TXNRD1: variants seen among roughly 807,000 people sequenced by gnomAD.
The protein encoded by TXNRD1 is thioredoxin reductase 1, cytoplasmic.
Under a neutral mutation model 80.3 loss-of-function variants are expected in TXNRD1, and 57 were observed. The ratio of observed to expected loss-of-function variants is 0.71; its 90% CI spans 0.57 to 0.89. The LOEUF (loss-of-function observed/expected upper bound fraction) is 0.89. Among genes scored for constraint, TXNRD1 ranks in the 40% least tolerant of loss-of-function variants. The pLI is 0.00. For missense variants in TXNRD1, 730 were observed against 803.0 expected (o/e 0.91, Z 1.10); for synonymous variants, 291 against 285.2 (o/e 1.02, Z -0.20).
intron 1 of TXNRD1, among the ~76,000 whole-genome samples, chr12:104,238,418 T>G (rs573502579): frequency 6.6e-6 from 1 of 152,296 alleles, no homozygotes; most frequent in Admixed American, 6.5e-5. Context: ...TAAAGCACCC[T>G]TTTTGACTTT....
At chr12:104,309,786 C>T (rs1334072354) in intron 4 of TXNRD1, 2 of 1,532,516 alleles carry the variant, frequency 1.3e-6, no homozygotes, top group South Asian at 2.4e-5. Context: ...GGAACCTTGG[C>T]CATAATGCCA....
chr12:104,319,548 T>C lies in TXNRD1; in HGVS notation c.952T>C (p.Leu318=). The part of the protein sequence containing the change: ...LIATGERPRY[L]GIPGDKEYCI... ...TGCCACTGGTGAAAGACCACGTTAC[T>C]TGGGCATCCCTGGTGACAAAGAATA... is the stretch of plus-strand genomic sequence containing the variant. Residue 318 remains leucine (L), a synonymous_variant, in exon 9 of 17, where the codon TTG becomes CTG. Coordinates refer to ENST00000525566, the MANE Select transcript of TXNRD1 (RefSeq NM_001093771.3). 2 of 1,605,510 alleles carry C rather than the reference T, an allele frequency of 1.2e-6. No individual in the cohort carries two copies. Among genetic ancestry groups the C allele is most frequent in the Non-Finnish European group, 1.7e-6 (2 of 1,175,866 alleles).
intron 15 of TXNRD1, among the ~76,000 whole-genome samples, chr12:104,337,872 G>A (rs913891626): frequency 2.0e-5 from 3 of 150,824 alleles, no homozygotes; most frequent in Non-Finnish European, 4.4e-5. Flanking sequence ...CTGCAGCCTC[G>A]ACCTCCTGGG....
intron 5 of TXNRD1, 84 bp downstream of exon 5, chr12:104,311,496 CTG>C: frequency 4.0e-6 from 6 of 1,509,000 alleles, no homozygotes; most frequent in Admixed American, 2.2e-5. Flanking sequence ...TCTCCTCTCT[CTG>C]TGGAATTTAT....
At chr12:104,304,004 G>C (rs1376164524) in intron 4 of TXNRD1, 2 of 1,610,916 alleles carry the variant, frequency 1.2e-6, no homozygotes, top group Non-Finnish European at 1.7e-6. Flanking sequence ...GGCCGACGTA[G>C]ACCCAAAGCT....
intron 6 of TXNRD1, 26 bp from the exon 7 acceptor site, chr12:104,315,751 A>AAACTG (rs2035301578): frequency 1.2e-6 from 2 of 1,603,912 alleles, no homozygotes; most frequent in Admixed American, 3.4e-5. Flanking sequence ...AGCAGGTTAT[A>AAACTG]AACTGATTTC....
chr12:104,239,447 G>A (rs1253362309), intron 1 of TXNRD1, among the ~76,000 whole-genome samples: 2 of 151,972 alleles, frequency 1.3e-5, no homozygotes, highest in Admixed American at 6.6e-5. Flanking sequence ...CTCCTGCCTC[G>A]GCCTCACGAA....
intron 3 of TXNRD1, among the ~76,000 whole-genome samples, chr12:104,279,627 A>T (rs2033833738): frequency 1.3e-5 from 2 of 152,190 alleles, no homozygotes; most frequent in South Asian, 4.1e-4. Flanking sequence ...TACACTGCAT[A>T]ATAAGGGTAT....
rs116173772 is a variant in TXNRD1 at position 104,225,325 on chromosome 12, G to A, written c.91+9432G>A. On this transcript the variant is annotated intron_variant, in intron 1 of 16. Coordinates refer to ENST00000525566, the MANE Select transcript of TXNRD1 (RefSeq NM_001093771.3). ...AACAAGCATACAACTATTAAGTAGT[G>A]GAGCGAGGATTCTCATGCTGGAAGC... is the stretch of plus-strand genomic sequence containing the variant. Among the ~76,000 whole-genome samples the A allele has an allele frequency of 5.7e-3, 875 of 152,322 alleles. 10 individuals carry two copies. Among genetic ancestry groups the A allele is most frequent in the African/African-American group, 0.017 (686 of 41,566 alleles).
chr12:104,311,349 C>G lies in TXNRD1; in HGVS notation c.474C>G (p.Pro158=), dbSNP rs764005722. The G allele has an allele frequency of 6.2e-7, 1 of 1,613,140 alleles. No homozygotes were observed. Among genetic ancestry groups the G allele is most frequent in the South Asian group, 1.1e-5 (1 of 90,858 alleles). The change falls in exon 5 of 17, where the codon CCC becomes CCG. Residue 158 remains proline, a synonymous_variant. Transcript: ENST00000525566. ...AAATGAACGGCCCTGAAGATCTTCC[C>G]AAGTCCTATGACTATGACCTTATCA... ...LLKMNGPEDL[P]KSYDYDLIII...
At chr12:104,241,631 G>C (rs1295998347) in intron 1 of TXNRD1, among the ~76,000 whole-genome samples, 1 of 152,186 alleles carries the variant, frequency 6.6e-6, no homozygotes, top group African/African-American at 2.4e-5. Flanking sequence ...GCCTCCCAAA[G>C]TGCTGGGTTT....
intron 2 of TXNRD1, among the ~76,000 whole-genome samples, chr12:104,256,575 T>C: frequency 6.6e-6 from 1 of 151,928 alleles, no homozygotes; most frequent in Admixed American, 6.6e-5. Flanking sequence ...GGTCAGGAGA[T>C]AGAGACCATC....
chr12:104,324,943 T>C (rs1415945553), intron 10 of TXNRD1, among the ~76,000 whole-genome samples: 1 of 152,188 alleles, frequency 6.6e-6, no homozygotes, highest in South Asian at 2.1e-4. Context: ...CAAAAGAGAA[T>C]CTCTGAATTT....
At chr12:104,318,796 C>G (rs1005675140) in intron 7 of TXNRD1, 117 bp from the exon 8 acceptor site, 1 of 1,044,602 alleles carries the variant, frequency 9.6e-7, no homozygotes, top group African/African-American at 1.6e-5. Context: ...AGGATTTGCC[C>G]TTTCAGATTG....
At chr12:104,256,274 T>A (rs551628279) in intron 2 of TXNRD1, among the ~76,000 whole-genome samples, 1 of 152,354 alleles carries the variant, frequency 6.6e-6, no homozygotes, top group East Asian at 1.9e-4. Context: ...AACTAACGTC[T>A]ACGTAAAGGT....
chr12:104,339,402 T>G, intron 16 of TXNRD1, 129 bp downstream of exon 16: 3 of 1,338,736 alleles, frequency 2.2e-6, no homozygotes, highest in South Asian at 1.2e-5. Context: ...GGGCTTTGTC[T>G]CTAAAAATTA....
At chr12:104,290,714 AATATACATATATATATATATATAT>A (rs1393180614) in intron 4 of TXNRD1, among the ~76,000 whole-genome samples, 4 of 49,142 alleles carry the variant, frequency 8.1e-5, no homozygotes, top group East Asian at 4.5e-4. Flanking sequence ...AAAAAAAAGA[AATATACATATATATATATATATAT>A]ATATATATAT....
At chr12:104,289,572 T>C (rs557796179) in intron 4 of TXNRD1, 3 of 152,950 alleles carry the variant, frequency 2.0e-5, no homozygotes, top group African/African-American at 7.2e-5. Flanking sequence ...AGTTAATAGT[T>C]GGGTGAAGGG....
chr12:104,312,028 A>G (rs1179000789), intron 5 of TXNRD1, among the ~76,000 whole-genome samples: 1 of 151,836 alleles, frequency 6.6e-6, no homozygotes, highest in Non-Finnish European at 1.5e-5. Flanking sequence ...ATATACACAC[A>G]TATATATGGG....
Sources: allele counts gnomAD v4.1 joint callset (sites outside exome capture counted in the v4.1 genomes callset), GRCh38; gene constraint gnomAD v4.1.1; transcripts MANE v1.5; gene names NCBI Gene and HGNC (gene_info 2026-07-23, HGNC 2026-07-21).